PAH: variants seen among roughly 807,000 people sequenced by gnomAD.
PAH encodes the protein phenylalanine hydroxylase, also known as phenylalanine-4-hydroxylase.
A neutral mutation model predicts 62.0 loss-of-function variants in PAH; 64 were observed. The ratio of observed to expected loss-of-function variants is 1.03; its 90% CI spans 0.84 to 1.27. The LOEUF is 1.27. Among genes scored for constraint, PAH ranks in the 50% most tolerant of loss-of-function variants. The pLI, the probability that PAH is intolerant of heterozygous loss-of-function variation, is 0.00. For synonymous variants in PAH, 195 were observed against 196.2 expected (o/e 0.99, Z 0.05); for missense variants, 579 against 542.8 (o/e 1.07, Z -0.66).
At chr12:102,934,631 C>T (rs73393595) in intron 1 of PAH, among the ~76,000 whole-genome samples, 7 of 151,850 alleles carry the variant, frequency 4.6e-5, no homozygotes, top group African/African-American at 1.7e-4. Flanking sequence ...ATTGTAGAGA[C>T]CTTTCACTTC....
chr12:102,848,910 C>T (rs1488974269), intron 8 of PAH, among the ~76,000 whole-genome samples: 2 of 148,614 alleles, frequency 1.3e-5, no homozygotes, highest in African/African-American at 5.0e-5. Context: ...CACAAGGAGA[C>T]TGGAGAGGCT....
At chr12:102,884,007 G>A (rs747454149) in intron 3 of PAH, among the ~76,000 whole-genome samples, 1 of 152,232 alleles carries the variant, frequency 6.6e-6, no homozygotes, top group Admixed American at 6.5e-5. Flanking sequence ...GTGCTTCTAA[G>A]TATCTGATAG....
chr12:102,937,397 C>T (rs1478826912), intron 1 of PAH, among the ~76,000 whole-genome samples: 2 of 151,888 alleles, frequency 1.3e-5, no homozygotes, highest in Non-Finnish European at 2.9e-5. Context: ...TAATTTCTTG[C>T]TTTTTACTTT....
At chr12:102,952,548 G>A (rs1313852314), upstream of PAH, among the ~76,000 whole-genome samples, 3 of 152,068 alleles carry the variant, frequency 2.0e-5, no homozygotes, top group Non-Finnish European at 4.4e-5. Flanking sequence ...ATAGATTAAC[G>A]ACTTTCTTTA....
At chr12:102,851,584 T>A (rs2136644686) in intron 8 of PAH, 103 bp downstream of exon 8, 1 of 904,622 alleles carries the variant, frequency 1.1e-6, no homozygotes, top group Middle Eastern at 2.6e-4. Context: ...GTACCTGGTT[T>A]CCGCTCTTGC....
At chr12:102,879,517 G>A (rs1454249701) in intron 3 of PAH, among the ~76,000 whole-genome samples, 3 of 151,376 alleles carry the variant, frequency 2.0e-5, no homozygotes, top group Non-Finnish European at 4.4e-5. Context: ...TTAGACCCTT[G>A]TTTCTGCAGA....
chr12:102,907,860 T>C, intron 2 of PAH, among the ~76,000 whole-genome samples: 1 of 152,176 alleles, frequency 6.6e-6, no homozygotes. Flanking sequence ...TCAAGTGATC[T>C]GCCCGCCTTG....
chr12:102,846,859 C>G, intron 9 of PAH, 36 bp downstream of exon 9: 1 of 1,569,184 alleles, frequency 6.4e-7, no homozygotes, highest in Non-Finnish European at 8.8e-7. Flanking sequence ...TAGCCTATAG[C>G]ACTCCACCAT....
At chr12:102,942,892 T>G (rs1485967003) in intron 1 of PAH, among the ~76,000 whole-genome samples, 1 of 152,138 alleles carries the variant, frequency 6.6e-6, no homozygotes, top group Non-Finnish European at 1.5e-5. Context: ...TACTCCTTCC[T>G]TTCACCATAT....
rs1478672844 is a variant in PAH at position 102,905,327 on chromosome 12, C to T, written c.168+7464G>A. Among the ~76,000 whole-genome samples, 5 of 152,236 alleles carry T rather than the reference C, an allele frequency of 3.3e-5. No homozygotes were observed. The East Asian group carries it at 5.8e-4, about 18-fold the overall frequency. On this transcript the variant is annotated intron_variant, in intron 2 of 12. Transcript: ENST00000553106. ...GGCCCCAAATAGCTCCCTGATTCAC[C>T]CCCTTGTAAGTAACAGATAGGTGAT...
intron 1 of PAH, among the ~76,000 whole-genome samples, chr12:102,934,444 T>TG (rs398020886): frequency 6.6e-6 from 1 of 151,590 alleles, no homozygotes; most frequent in Admixed American, 6.6e-5. Flanking sequence ...GGATTTTTTT[T>TG]CTGTTTCTGT....
chr12:102,940,408 CA>C (rs144321972), intron 1 of PAH, among the ~76,000 whole-genome samples: 4,813 of 152,180 alleles, frequency 0.032, 265 homozygotes, highest in African/African-American at 0.11. Flanking sequence ...AGCTGAAACC[CA>C]ATCCAAAGAA....
chr12:102,886,189 C>T (rs1271319411), intron 3 of PAH: 2 of 152,242 alleles, frequency 1.3e-5, no homozygotes, highest in Non-Finnish European at 2.9e-5. Flanking sequence ...CTCCTGGAGA[C>T]AGCAGTGGTC....
At chr12:102,895,869 A>AAAATATATATATATATATATATAT (rs953209518) in intron 2 of PAH, among the ~76,000 whole-genome samples, 1 of 118,744 alleles carries the variant, frequency 8.4e-6, no homozygotes, top group African/African-American at 3.6e-5. Context: ...AAAAAAAAAA[A>AAAATATATATATATATATATATAT]ATATATATAT....
At chr12:102,932,462 G>T (rs1297553605) in intron 1 of PAH, among the ~76,000 whole-genome samples, 3 of 152,194 alleles carry the variant, frequency 2.0e-5, no homozygotes, top group Non-Finnish European at 4.4e-5. Flanking sequence ...CACATAAAAA[G>T]ATCGCTGGTG....
At chr12:102,948,439 T>G (rs779547259) in intron 1 of PAH, among the ~76,000 whole-genome samples, 1 of 152,144 alleles carries the variant, frequency 6.6e-6, no homozygotes, top group Non-Finnish European at 1.5e-5. Flanking sequence ...GAATGGAGGT[T>G]AAGGCTACTG....
chr12:102,840,773 A>T (rs940794418), intron 11 of PAH, among the ~76,000 whole-genome samples: 2 of 152,152 alleles, frequency 1.3e-5, no homozygotes, highest in African/African-American at 4.8e-5. Context: ...GAAGACAGAG[A>T]TAGCTTACAA....
intron 8 of PAH, among the ~76,000 whole-genome samples, chr12:102,851,416 A>G (rs1478491410): frequency 6.6e-6 from 1 of 152,228 alleles, no homozygotes; most frequent in Non-Finnish European, 1.5e-5. Flanking sequence ...GGAGGCTTTC[A>G]TGGATGAAAG....
chr12:102,880,754 G>A (rs941127507), intron 3 of PAH, among the ~76,000 whole-genome samples: 1 of 152,016 alleles, frequency 6.6e-6, no homozygotes, highest in Non-Finnish European at 1.5e-5. Flanking sequence ...GACAACACGA[G>A]ATAAGCAATA....
Sources: gnomAD v4.1 joint callset for allele counts (sites outside exome capture counted in the v4.1 genomes callset) on GRCh38, gnomAD v4.1.1 for gene constraint, MANE v1.5 for transcripts, NCBI Gene and HGNC (gene_info 2026-07-23, HGNC 2026-07-21) for gene names.